Variants in ECT2L observed in about 807,000 individuals in gnomAD.
The protein encoded by ECT2L is epithelial cell-transforming sequence 2 oncogene-like.
In ECT2L, 126 loss-of-function variants were observed where a neutral mutation model predicts 122.8. That is an observed-to-expected ratio of 1.03 (90% CI 0.89 to 1.19). The LOEUF is 1.19. ECT2L is among the 50% of genes most tolerant of loss of function. The pLI is 0.00. For synonymous variants in ECT2L, 385 were observed against 381.8 expected, an observed-to-expected ratio of 1.01 and a Z score of -0.10; for missense variants, 1,012 against 1,064.1, an observed-to-expected ratio of 0.95 and a Z score of 0.68.
intron 1 of ECT2L, among the ~76,000 whole-genome samples, chr6:138,806,335 A>G (rs1225362365): frequency 6.6e-6 from 1 of 152,056 alleles, no homozygotes; most frequent in Non-Finnish European, 1.5e-5. Context: ...AATTTATTCT[A>G]TTAGACAAAA....
intron 10 of ECT2L, among the ~76,000 whole-genome samples, chr6:138,859,080 C>G (rs1777727728): frequency 6.6e-6 from 1 of 152,152 alleles, no homozygotes; most frequent in Non-Finnish European, 1.5e-5. Context: ...AGAGGCCACA[C>G]TAATCTTCTC....
At chr6:138,833,534 C>T (rs1459349456) in intron 4 of ECT2L, among the ~76,000 whole-genome samples, 1 of 152,122 alleles carries the variant, frequency 6.6e-6, no homozygotes, top group Non-Finnish European at 1.5e-5. Flanking sequence ...GTTCCCCTTG[C>T]CCTTGTGTCA....
intron 4 of ECT2L, among the ~76,000 whole-genome samples, chr6:138,817,280 C>T (rs1776100834): frequency 6.6e-6 from 1 of 152,158 alleles, no homozygotes; most frequent in Non-Finnish European, 1.5e-5. Flanking sequence ...TTTTATTTCT[C>T]TTAGCTATAC....
intron 1 of ECT2L, among the ~76,000 whole-genome samples, chr6:138,797,126 G>C (rs1366413678): frequency 6.6e-6 from 1 of 152,024 alleles, no homozygotes; most frequent in Non-Finnish European, 1.5e-5. Context: ...CTCAAAACAC[G>C]CCATTATTTT....
chr6:138,893,185 G>GT (rs376508418), intron 20 of ECT2L, among the ~76,000 whole-genome samples: 4,104 of 122,746 alleles, frequency 0.033, 85 homozygotes, highest in African/African-American at 0.073. Flanking sequence ...TTTTTTTTTT[G>GT]TTTTTTTTTG....
chr6:138,865,583 A>G (rs1181201295), intron 12 of ECT2L, among the ~76,000 whole-genome samples: 1 of 152,152 alleles, frequency 6.6e-6, no homozygotes, highest in Non-Finnish European at 1.5e-5. Flanking sequence ...TTTCTGTCTA[A>G]AATATATAAT....
chr6:138,882,976 A>G lies in ECT2L; in HGVS notation c.2028+105A>G, dbSNP rs567448074. ...TAATAAGAAAGGCTTCTCTGCTCTT[A>G]GCTCCCAGCTGTCTTCCCATACTGT... On this transcript the variant is annotated intron_variant, in intron 16 of 21. Coordinates refer to ENST00000541398, the MANE Select transcript of ECT2L (RefSeq NM_001077706.3). The G allele has an allele frequency of 1.1e-5, 13 of 1,221,486 alleles. No homozygotes were observed. The East Asian group carries it at 2.7e-4, about 26-fold the overall frequency. 75.7% of individuals were successfully genotyped at this position (1,221,486 alleles called of 1,614,324 possible). A position where few individuals can be genotyped will look rare whatever the true frequency, so the allele number is the denominator to read the frequency against.
chr6:138,893,352 T>C (rs974413387), intron 20 of ECT2L, among the ~76,000 whole-genome samples: 2 of 151,792 alleles, frequency 1.3e-5, no homozygotes, highest in African/African-American at 4.8e-5. Context: ...AAGAACAAAA[T>C]ATTCTGGGCA....
In ECT2L at chr6:138,881,022, T is replaced by A; in HGVS notation, c.1731T>A (p.Ser577Arg). The change falls in exon 15 of 22, where the codon AGT becomes AGA. Residue 577 changes from serine (S) to arginine (R), a missense_variant. Transcript: ENST00000541398. The stretch of plus-strand genomic sequence containing the variant: ...GAGTTGTCAGAGAACTCTTACAGAG[T>A]GAGAGAAAATACGTGCAGATACTGG... The part of the protein sequence containing the change: ...RARVVRELLQ[S>R]ERKYVQILEI... 6.2e-7 allele frequency: 1 copy of A among 1,613,922 alleles called. No homozygotes were observed. Among genetic ancestry groups the A allele is most frequent in the Non-Finnish European group, 8.5e-7 (1 of 1,179,982 alleles).
chr6:138,868,289 C>A, intron 13 of ECT2L, 83 bp downstream of exon 13: 2 of 1,181,912 alleles, frequency 1.7e-6, no homozygotes, highest in Non-Finnish European at 1.2e-6. Context: ...ATTTTTTTGA[C>A]CAGTTTATCC....
At chr6:138,852,516 A>G (rs1343785837) in intron 9 of ECT2L, among the ~76,000 whole-genome samples, 1 of 152,164 alleles carries the variant, frequency 6.6e-6, no homozygotes, top group East Asian at 1.9e-4. Flanking sequence ...ATGATCCCAG[A>G]TATGGCTGGA....
In ECT2L at chr6:138,854,174, T is replaced by G. The variant is rs781190401; in HGVS notation, c.1198+20T>G. 4.4e-6 allele frequency: 7 copies of G among 1,591,342 alleles called. No homozygotes were observed. In the South Asian group the frequency reaches 5.7e-5, roughly 13 times the overall value. On this transcript the variant is annotated intron_variant, in intron 10 of 21. Coordinates refer to ENST00000541398, the MANE Select transcript of ECT2L (RefSeq NM_001077706.3). Reference sequence around the variant, plus strand: ...CATCAGGTTAGCTCAGAACACCTTATAGAGAGACAGTGGCCATGCCACTTC... The same window carrying G: ...CATCAGGTTAGCTCAGAACACCTTAGAGAGAGACAGTGGCCATGCCACTTC...
intron 9 of ECT2L, among the ~76,000 whole-genome samples, chr6:138,851,501 T>A (rs1406552895): frequency 2.7e-5 from 4 of 150,562 alleles, no homozygotes; most frequent in Non-Finnish European, 5.9e-5. Context: ...TTTTTTTTTT[T>A]TTTTAAATAG....
rs375510493 is a variant in ECT2L at position 138,885,657 on chromosome 6, C to T, written c.2103-17C>T. ...GGCCTTCAGAGACCAGAGCTCCCTT[C>T]TCTATGCCTCATACAGCCTGCCAGA... On this transcript the variant is annotated splice_polypyrimidine_tract_variant and intron_variant, in intron 17 of 21. Transcript: ENST00000541398. 2.5e-6 allele frequency: 4 copies of T among 1,613,812 alleles called. No homozygotes were observed. In the African/African-American group the frequency reaches 5.3e-5, roughly 22 times the overall value.
At chr6:138,854,678 C>T (rs1287458770) in intron 10 of ECT2L, among the ~76,000 whole-genome samples, 3 of 152,146 alleles carry the variant, frequency 2.0e-5, no homozygotes, top group Admixed American at 1.3e-4. Context: ...CTCAAGATGA[C>T]ATATTTAAAT....
intron 9 of ECT2L, 78 bp from the exon 10 acceptor site, chr6:138,853,948 C>T: frequency 6.6e-7 from 1 of 1,509,452 alleles, no homozygotes; most frequent in South Asian, 1.2e-5. Flanking sequence ...TTTGTGCTTA[C>T]ATTTTCACAA....
At chr6:138,891,402 T>G (rs193092979) in intron 20 of ECT2L, among the ~76,000 whole-genome samples, 23 of 152,328 alleles carry the variant, frequency 1.5e-4, no homozygotes, top group African/African-American at 4.8e-4. Context: ...ATGTTATCTT[T>G]TAAGGTCTGA....
chr6:138,871,569 G>A (rs1253616491), intron 13 of ECT2L, among the ~76,000 whole-genome samples: 1 of 152,162 alleles, frequency 6.6e-6, no homozygotes, highest in African/African-American at 2.4e-5. Flanking sequence ...CCTTTGGGAG[G>A]CAGAGGTGGG....
intron 20 of ECT2L, among the ~76,000 whole-genome samples, chr6:138,900,536 C>T (rs1300799763): frequency 2.0e-5 from 3 of 152,196 alleles, no homozygotes; most frequent in South Asian, 2.1e-4. Context: ...TGAGCCACCG[C>T]GCCCAGCCTT....
Sources: allele counts gnomAD v4.1 joint callset (sites outside exome capture counted in the v4.1 genomes callset), GRCh38; gene constraint gnomAD v4.1.1; transcripts MANE v1.5; gene names NCBI Gene and HGNC (gene_info 2026-07-23, HGNC 2026-07-21).